The following MYO1E variants were observed in gnomAD, a reference collection of about 807,000 sequenced individuals.
MYO1E encodes myosin IE, also known as unconventional myosin-Ie.
A neutral mutation model predicts 151.1 loss-of-function variants in MYO1E; 68 were observed. The ratio of observed to expected loss-of-function variants is 0.45; its 90% CI spans 0.37 to 0.55. MYO1E has a LOEUF of 0.55. MYO1E is among the 20% of genes least tolerant of loss of function. The pLI, the probability that MYO1E is intolerant of heterozygous loss-of-function variation, is 0.00. For synonymous variants in MYO1E, 601 were observed against 501.7 expected, an observed-to-expected ratio of 1.20 and a Z score of -2.64; for missense variants, 1,363 against 1,389.3, an observed-to-expected ratio of 0.98 and a Z score of 0.30.
intron 1 of MYO1E, among the ~76,000 whole-genome samples, chr15:59,321,038 A>G (rs543970285): frequency 3.3e-5 from 5 of 152,342 alleles, no homozygotes; most frequent in South Asian, 4.1e-4. Flanking sequence ...ACATGAACAG[A>G]TACTTCTCCA....
chr15:59,302,817 T>C (rs2080491013), intron 1 of MYO1E, among the ~76,000 whole-genome samples: 1 of 152,128 alleles, frequency 6.6e-6, no homozygotes, highest in Non-Finnish European at 1.5e-5. Context: ...TTATTGAAAG[T>C]AAATAAAAGA....
intron 1 of MYO1E, among the ~76,000 whole-genome samples, chr15:59,371,784 G>C (rs1370010057): frequency 1.9e-4 from 29 of 152,038 alleles, no homozygotes; most frequent in African/African-American, 7.0e-4. Context: ...TGGCGTCCGG[G>C]GCGCGGAGAC....
At position 59,262,119 on chromosome 15, in the gene MYO1E, A is replaced by G. The variant is rs538101609; in HGVS notation, c.148-610T>C. Among the ~76,000 whole-genome samples, 19 of 152,230 alleles carry G rather than the reference A, an allele frequency of 1.2e-4. No homozygotes were observed. The South Asian group carries it at 3.9e-3, about 32-fold the overall frequency. ...GTACTCAGGAGGCTGAGGCAGGAGAATCGTCTGAACCCATGAGGCGGAGGT... is the reference window on the plus strand; with the variant it reads ...GTACTCAGGAGGCTGAGGCAGGAGAGTCGTCTGAACCCATGAGGCGGAGGT... On this transcript the variant is annotated intron_variant, in intron 2 of 27. Coordinates refer to ENST00000288235, the MANE Select transcript of MYO1E (RefSeq NM_004998.4).
At chr15:59,233,257 C>A (rs1280191630) in intron 5 of MYO1E, among the ~76,000 whole-genome samples, 1 of 152,166 alleles carries the variant, frequency 6.6e-6, no homozygotes, top group Admixed American at 6.5e-5. Flanking sequence ...TGTATCCATT[C>A]ATCCATCCAT....
intron 1 of MYO1E, among the ~76,000 whole-genome samples, chr15:59,297,437 ATTTTTTTT>A (rs755470049): frequency 4.7e-5 from 3 of 63,454 alleles, no homozygotes; most frequent in Admixed American, 5.3e-4. Context: ...CACCCAGCTA[ATTTTTTTT>A]TTTTTTTTTT....
chr15:59,150,622 C>T (rs1441214936), intron 26 of MYO1E, among the ~76,000 whole-genome samples: 1 of 152,142 alleles, frequency 6.6e-6, no homozygotes, highest in Non-Finnish European at 1.5e-5. Context: ...TGATGCTCAC[C>T]CACCTGAAAG....
chr15:59,250,097 G>A (rs1227678019), intron 4 of MYO1E, among the ~76,000 whole-genome samples: 3 of 136,854 alleles, frequency 2.2e-5, no homozygotes, highest in African/African-American at 9.2e-5. Flanking sequence ...GTGCAGAAGA[G>A]AATTAACTCA....
intron 14 of MYO1E, 124 bp downstream of exon 14, chr15:59,208,557 G>T: frequency 1.6e-6 from 2 of 1,217,706 alleles, no homozygotes; most frequent in Non-Finnish European, 1.2e-6. Context: ...TCCTTTGATA[G>T]TTAATAAATT....
At chr15:59,178,077 A>G (rs1369010415) in intron 19 of MYO1E, among the ~76,000 whole-genome samples, 6 of 152,380 alleles carry the variant, frequency 3.9e-5, no homozygotes, top group African/African-American at 1.4e-4. Flanking sequence ...CATATGGAAC[A>G]AAGAGTCCCT....
In MYO1E at chr15:59,372,603, C is replaced by CA; in HGVS notation, c.-104dup. On this transcript the variant is annotated 5_prime_UTR_variant, in exon 1 of 28. Coordinates refer to ENST00000288235, the MANE Select transcript of MYO1E (RefSeq NM_004998.4). The stretch of plus-strand genomic sequence containing the variant: ...AACTTCAAAAGTTGGTTCCCCTCGC[C>CA]AAAAACAGGCTCCCGACACCCAAGC... 7.0e-7 allele frequency: 1 copy of CA among 1,422,160 alleles called. No homozygotes were observed. The allele number at this position is 1,422,160 out of a possible 1,614,324, so 88.1% of individuals were successfully genotyped here. A position where few individuals can be genotyped will look rare whatever the true frequency, so the allele number is the denominator to read the frequency against.
At chr15:59,227,943 C>T (rs2080001914) in intron 6 of MYO1E, among the ~76,000 whole-genome samples, 1 of 152,292 alleles carries the variant, frequency 6.6e-6, no homozygotes, top group East Asian at 1.9e-4. Flanking sequence ...AGCACTCTTG[C>T]TCTGTCAGGC....
At chr15:59,259,885 C>A (rs1281498149) in intron 3 of MYO1E, among the ~76,000 whole-genome samples, 1 of 152,142 alleles carries the variant, frequency 6.6e-6, no homozygotes, top group Non-Finnish European at 1.5e-5. Flanking sequence ...CTAGCTCCAT[C>A]ACTCAGTAGA....
At chr15:59,190,830 AGAAG>A (rs1353389761) in intron 17 of MYO1E, among the ~76,000 whole-genome samples, 7 of 152,218 alleles carry the variant, frequency 4.6e-5, no homozygotes, top group African/African-American at 1.7e-4. Flanking sequence ...AGGAGAATAG[AGAAG>A]GAAGTGGATT....
chr15:59,204,670 A>G (rs2079821753), intron 15 of MYO1E, among the ~76,000 whole-genome samples: 1 of 152,204 alleles, frequency 6.6e-6, no homozygotes, highest in South Asian at 2.1e-4. Context: ...CTACCCCTAC[A>G]GCTGAAACAG....
chr15:59,134,598 T>TA lies in MYO1E; in HGVS notation c.*2781dup, dbSNP rs1333235703. ...AACTAAAGCTTGAACACCTCTACCCTAGGGTACACAGTCAGGCCTTCTCAT... is the reference window on the plus strand; with the variant it reads ...AACTAAAGCTTGAACACCTCTACCCTAAGGGTACACAGTCAGGCCTTCTCAT... On this transcript the variant is annotated 3_prime_UTR_variant, in exon 28 of 28. Transcript: ENST00000288235. 6.6e-6 allele frequency: 1 copy of TA among 152,244 alleles called. No homozygotes were observed. The highest frequency in any genetic ancestry group is 2.4e-5 in the African/African-American group (1 of 41,450). The allele number at this position is 152,244 out of a possible 1,614,324, so 9.4% of individuals were successfully genotyped here.
At chr15:59,239,142 G>T (rs1474272924) in intron 4 of MYO1E, among the ~76,000 whole-genome samples, 1 of 151,226 alleles carries the variant, frequency 6.6e-6, no homozygotes, top group South Asian at 2.1e-4. Flanking sequence ...GGAGGCAGAG[G>T]TTGCATTGAG....
rs1566961188 is a variant in MYO1E, at chr15:59,136,820, G to A, written c.*560C>T. On this transcript the variant is annotated 3_prime_UTR_variant, in exon 28 of 28. Coordinates refer to ENST00000288235, the MANE Select transcript of MYO1E (RefSeq NM_004998.4). ...TGGTCCCGGCAAAGTGTAAACCAGT[G>A]CCCCTCTGTCGCCCTGGGCTCAGCA... 2.2e-6 allele frequency: 1 copy of A among 454,374 alleles called. No homozygotes were observed. The highest frequency in any genetic ancestry group is 1.6e-5 in the South Asian group (1 of 64,478). The allele number at this position is 454,374 out of a possible 1,614,324, so 28.1% of individuals were successfully genotyped here.
chr15:59,236,408 ACACACAC>A, intron 5 of MYO1E, among the ~76,000 whole-genome samples, 170 bp downstream of exon 5: 1 of 150,794 alleles, frequency 6.6e-6, no homozygotes, highest in African/African-American at 2.5e-5. Flanking sequence ...ACACACACAC[ACACACAC>A]ACACAAACAC....
At chr15:59,291,487 CA>C (rs1268708643) in intron 1 of MYO1E, among the ~76,000 whole-genome samples, 2 of 149,682 alleles carry the variant, frequency 1.3e-5, no homozygotes, top group Non-Finnish European at 2.9e-5. Context: ...AACAAACAAA[CA>C]AAAGCACATT....
Sources: allele counts gnomAD v4.1 joint callset (sites outside exome capture counted in the v4.1 genomes callset), GRCh38; gene constraint gnomAD v4.1.1; transcripts MANE v1.5; gene names NCBI Gene and HGNC (gene_info 2026-07-23, HGNC 2026-07-21).